The following PLEKHG1 variants were observed in gnomAD, a reference collection of about 807,000 sequenced individuals.
PLEKHG1 encodes pleckstrin homology domain-containing family G member 1.
Under a neutral mutation model 100.8 loss-of-function variants are expected in PLEKHG1, and 44 were observed. The ratio of observed to expected loss-of-function variants is 0.44; its 90% CI spans 0.34 to 0.56. The LOEUF (loss-of-function observed/expected upper bound fraction) is 0.56. PLEKHG1 is among the 20% of genes least tolerant of loss of function. The pLI, the probability that PLEKHG1 is intolerant of heterozygous loss-of-function variation, is 0.01. For synonymous variants in PLEKHG1, 640 were observed against 662.5 expected, an observed-to-expected ratio of 0.97 and a Z score of 0.52; for missense variants, 1,545 against 1,720.9, an observed-to-expected ratio of 0.90 and a Z score of 1.81.
chr6:150,724,622 T>G (rs1387679561), intron 1 of PLEKHG1, among the ~76,000 whole-genome samples: 2 of 145,728 alleles, frequency 1.4e-5, no homozygotes, highest in African/African-American at 2.6e-5. Flanking sequence ...TGAAGTGGTG[T>G]GATCTCGGCT....
intron 3 of PLEKHG1, among the ~76,000 whole-genome samples, chr6:150,685,176 A>G (rs1780076060): frequency 6.6e-6 from 1 of 151,760 alleles, no homozygotes; most frequent in Non-Finnish European, 1.5e-5. Flanking sequence ...ACAGGACCAA[A>G]CCCCACACTT....
intron 3 of PLEKHG1, among the ~76,000 whole-genome samples, chr6:150,668,586 T>C (rs1351206389): frequency 2.0e-5 from 3 of 152,210 alleles, no homozygotes; most frequent in Admixed American, 1.3e-4. Context: ...GGAGTCTTGC[T>C]GGCCGATGAC....
At chr6:150,780,137 A>ATT (rs772671634) in intron 3 of PLEKHG1, among the ~76,000 whole-genome samples, 27,855 of 135,388 alleles carry the variant, frequency 0.21, 4,334 homozygotes, top group African/African-American at 0.42. Context: ...CTTTTCTTTA[A>ATT]TTTTTTTTTT....
At chr6:150,787,550 T>C (rs575130025) in intron 4 of PLEKHG1, among the ~76,000 whole-genome samples, 2 of 152,376 alleles carry the variant, frequency 1.3e-5, no homozygotes, top group South Asian at 4.1e-4. Context: ...TAGTTTGAAA[T>C]GCACGAAGGT....
intron 1 of PLEKHG1, among the ~76,000 whole-genome samples, chr6:150,724,345 A>G (rs1183358015): frequency 6.6e-6 from 1 of 152,230 alleles, no homozygotes; most frequent in Non-Finnish European, 1.5e-5. Flanking sequence ...TGAAAACTCC[A>G]TCACTAAAGA....
chr6:150,758,072 G>A (rs1238225884), intron 2 of PLEKHG1, among the ~76,000 whole-genome samples: 1 of 152,114 alleles, frequency 6.6e-6, no homozygotes, highest in Admixed American at 6.6e-5. Context: ...TCTTTATCCA[G>A]TCTATCATTG....
chr6:150,652,275 G>T lies in PLEKHG1; in HGVS notation c.-99+1489G>T, dbSNP rs77062639. Among the ~76,000 whole-genome samples, 182 of 152,202 alleles carry T rather than the reference G, an allele frequency of 1.2e-3. 1 individual carries two copies. In the East Asian group the frequency reaches 0.026, roughly 22 times the overall value. On this transcript the variant is annotated intron_variant, in intron 3 of 3. Transcript: ENST00000367326. The stretch of plus-strand genomic sequence containing the variant: ...TTTCCTAAGTACTTTAACTCATCAG[G>T]CTCTGACCACATTATGAACTATTTG...
At chr6:150,684,806 G>A (rs759440598) in intron 3 of PLEKHG1, among the ~76,000 whole-genome samples, 1 of 151,944 alleles carries the variant, frequency 6.6e-6, no homozygotes, top group Non-Finnish European at 1.5e-5. Flanking sequence ...TGGGATGGGG[G>A]GAAATGACTT....
At position 150,600,817 on chromosome 6, in the gene PLEKHG1, A is replaced by G. The variant is rs1776322857; in HGVS notation, c.-204+800A>G. The G allele has an allele frequency of 6.6e-6, 1 of 152,214 alleles. No individual in the cohort carries two copies. Among genetic ancestry groups the G allele is most frequent in the African/African-American group, 2.4e-5 (1 of 41,462 alleles). 9.4% of individuals were successfully genotyped at this position (152,214 alleles called of 1,614,324 possible). On this transcript the variant is annotated intron_variant, in intron 1 of 3. Coordinates refer to the PLEKHG1 transcript ENST00000367326. The surrounding 1 kb of genome is among the most constrained non-coding windows in gnomAD (Gnocchi z 6.2). The stretch of plus-strand genomic sequence containing the variant: ...TGGGAGAACGGCGCTCGGCTGGTCA[A>G]TTCATTCCGCTCCTCGGAAACAATG...
chr6:150,810,964 A>T (rs1025376008), intron 10 of PLEKHG1, among the ~76,000 whole-genome samples: 3 of 151,176 alleles, frequency 2.0e-5, no homozygotes, highest in African/African-American at 7.3e-5. Flanking sequence ...GGCTCTGTGG[A>T]GGTGGTGGTG....
intron 3 of PLEKHG1, among the ~76,000 whole-genome samples, chr6:150,713,333 G>T (rs1355176280): frequency 6.6e-6 from 1 of 152,136 alleles, no homozygotes; most frequent in Non-Finnish European, 1.5e-5. Flanking sequence ...AGAGAAGTGA[G>T]TTCTGATTTC....
intron 15 of PLEKHG1, among the ~76,000 whole-genome samples, chr6:150,836,327 G>A (rs993615936): frequency 1.3e-5 from 2 of 152,154 alleles, no homozygotes; most frequent in South Asian, 4.1e-4. Context: ...GCAGAGAGCC[G>A]AGATTGCGCC....
chr6:150,677,491 C>A (rs947368945), intron 3 of PLEKHG1, among the ~76,000 whole-genome samples: 2 of 152,200 alleles, frequency 1.3e-5, no homozygotes, highest in Non-Finnish European at 2.9e-5. Context: ...AGACTCAATT[C>A]ATATGTCATC....
At chr6:150,702,927 C>T (rs1228364361) in intron 3 of PLEKHG1, among the ~76,000 whole-genome samples, 3 of 152,158 alleles carry the variant, frequency 2.0e-5, no homozygotes, top group African/African-American at 4.8e-5. Flanking sequence ...CTCCCGTGGG[C>T]TAGCAGCCTC....
intron 3 of PLEKHG1, among the ~76,000 whole-genome samples, chr6:150,671,355 G>A (rs1305750136): frequency 6.6e-6 from 1 of 152,134 alleles, no homozygotes; most frequent in Non-Finnish European, 1.5e-5. Context: ...ATTCCCACCA[G>A]CAGTGTAGAA....
chr6:150,607,368 C>A (rs1776645622), intron 1 of PLEKHG1, among the ~76,000 whole-genome samples: 1 of 152,158 alleles, frequency 6.6e-6, no homozygotes, highest in Non-Finnish European at 1.5e-5. Flanking sequence ...ACACTGACAT[C>A]TGCACTTCTC....
intron 3 of PLEKHG1, among the ~76,000 whole-genome samples, chr6:150,680,767 CGGGGAAGAGACTAGATTGGAGCGAGTT>C (rs1314150419): frequency 6.6e-6 from 1 of 152,078 alleles, no homozygotes; most frequent in Non-Finnish European, 1.5e-5. Context: ...TGCGGTGAAG[CGGGGAAGAGACTAGATTGGAGCGAGTT>C]GGGGAAGAGA....
At position 150,683,959 on chromosome 6, in the gene PLEKHG1, T is replaced by G. The variant is rs1483724566; in HGVS notation, c.-99+33173T>G. ...GGGCAGTGGCAAGTAGTGGGTTTCA[T>G]GGAAGGATAAAAGTATCAGGCAGCC... On this transcript the variant is annotated intron_variant, in intron 3 of 3. Coordinates refer to the PLEKHG1 transcript ENST00000367326. This position sits in a 1 kb window ranked among gnomAD's most constrained non-coding sequence, Gnocchi z 4.0. 1.1e-5 allele frequency: 5 copies of G among 471,016 alleles called. No individual in the cohort carries two copies. Among genetic ancestry groups the G allele is most frequent in the East Asian group, 7.3e-5 (1 of 13,774 alleles). The allele number at this position is 471,016 out of a possible 1,614,324, so 29.2% of individuals were successfully genotyped here.
chr6:150,838,138 A>G (rs574431122), intron 15 of PLEKHG1, among the ~76,000 whole-genome samples: 1 of 152,374 alleles, frequency 6.6e-6, no homozygotes, highest in African/African-American at 2.4e-5. Flanking sequence ...TAGTAGTTTA[A>G]GTTCAAGAAA....
Sources: gnomAD v4.1 joint callset for allele counts (sites outside exome capture counted in the v4.1 genomes callset) on GRCh38, gnomAD v4.1.1 for gene constraint, Gnocchi (gnomAD v3.1) non-coding constraint, MANE v1.5 for transcripts, NCBI Gene and HGNC (gene_info 2026-07-23, HGNC 2026-07-21) for gene names.